MTMR7: variants seen among roughly 807,000 people sequenced by gnomAD.
The protein encoded by MTMR7 is myotubularin related protein 7.
A neutral mutation model predicts 81.2 loss-of-function variants in MTMR7; 76 were observed. The observed-to-expected ratio is 0.94, with a 90% CI of 0.78 to 1.13. MTMR7 has a LOEUF of 1.13. Among genes scored for constraint, MTMR7 ranks in the 50% most tolerant of loss-of-function variants. The probability of loss-of-function intolerance (pLI) is 0.00; values close to 1 mark genes in which losing one functional copy is unlikely to be tolerated. For missense variants in MTMR7, 1,044 were observed against 820.0 expected (o/e 1.27, Z -3.34); for synonymous variants, 372 against 289.8 (o/e 1.28, Z -2.88).
At chr8:17,386,425 T>C (rs1312448418) in intron 1 of MTMR7, among the ~76,000 whole-genome samples, 2 of 152,188 alleles carry the variant, frequency 1.3e-5, no homozygotes, top group Non-Finnish European at 2.9e-5. Flanking sequence ...CCACAGATGA[T>C]CTGATTCCAC....
intron 3 of MTMR7, among the ~76,000 whole-genome samples, chr8:17,366,231 G>C (rs1235784046): frequency 6.6e-6 from 1 of 152,118 alleles, no homozygotes; most frequent in Non-Finnish European, 1.5e-5. Context: ...ATAAGGGAGA[G>C]ATGAGGGTAC....
intron 11 of MTMR7, among the ~76,000 whole-genome samples, chr8:17,305,476 T>C (rs1817387358): frequency 6.6e-6 from 1 of 152,220 alleles, no homozygotes; most frequent in East Asian, 1.9e-4. Flanking sequence ...AAAACCACTT[T>C]TTTGACTCCA....
intron 6 of MTMR7, among the ~76,000 whole-genome samples, chr8:17,338,319 C>G (rs1055303197): frequency 5.9e-5 from 9 of 152,158 alleles, no homozygotes; most frequent in African/African-American, 2.2e-4. Context: ...CCTGGCTCTA[C>G]AGCTGCCACG....
intron 1 of MTMR7, among the ~76,000 whole-genome samples, chr8:17,391,800 A>G (rs1201788606): frequency 6.6e-6 from 1 of 152,216 alleles, no homozygotes. Flanking sequence ...AAGAGGAGAA[A>G]AGTAAACATA....
At chr8:17,345,148 C>A (rs761658474) in intron 5 of MTMR7, among the ~76,000 whole-genome samples, 3 of 152,160 alleles carry the variant, frequency 2.0e-5, no homozygotes, top group African/African-American at 4.8e-5. Flanking sequence ...GTGCGTAAGG[C>A]CTAAAATTAA....
At chr8:17,362,893 G>T (rs930483521) in intron 3 of MTMR7, among the ~76,000 whole-genome samples, 1 of 152,178 alleles carries the variant, frequency 6.6e-6, no homozygotes, top group Non-Finnish European at 1.5e-5. Flanking sequence ...TGACTCATCT[G>T]CATGGAAGAG....
chr8:17,304,448 AAC>A lies in MTMR7; in HGVS notation c.1422_1423del (p.Phe475Ter). 6.2e-7 allele frequency: 1 copy of A among 1,614,126 alleles called. No homozygotes were observed. Among genetic ancestry groups the A allele is most frequent in the East Asian group, 2.2e-5 (1 of 44,882 alleles). On this transcript the variant is annotated frameshift_variant, in exon 12 of 14. Coordinates refer to ENST00000180173, the MANE Select transcript of MTMR7 (RefSeq NM_004686.5). LOFTEE classifies it high-confidence loss of function. ...CTGAGTCTGGCTGTGATCAGCTCTA[AAC>A]AGAGGATTCAGGTAGTCGGCCCGAT...
chr8:17,316,818 T>C (rs1383049657), intron 7 of MTMR7, among the ~76,000 whole-genome samples: 1 of 152,132 alleles, frequency 6.6e-6, no homozygotes, highest in Non-Finnish European at 1.5e-5. Flanking sequence ...CACCATGTTA[T>C]TATGTAAGGG....
At chr8:17,302,584 TTA>T (rs978852293) in intron 12 of MTMR7, among the ~76,000 whole-genome samples, 3 of 152,052 alleles carry the variant, frequency 2.0e-5, no homozygotes, top group African/African-American at 7.3e-5. Context: ...AAAATGGCTC[TTA>T]GTTTTGAACT....
intron 1 of MTMR7, among the ~76,000 whole-genome samples, chr8:17,397,501 G>A (rs995281504): frequency 1.3e-5 from 2 of 152,176 alleles, no homozygotes; most frequent in African/African-American, 2.4e-5. Context: ...GAAAGGAGAG[G>A]GAAGAGCAGG....
In MTMR7 at chr8:17,410,073, T is replaced by C. The variant is rs569780148; in HGVS notation, c.24+3196A>G. ...CCACCTAGGAAACTTAGCAGGGAAG[T>C]AGCATGATCAATTTGAGACATAAAA... On this transcript the variant is annotated intron_variant, in intron 1 of 13. Coordinates refer to ENST00000180173, the MANE Select transcript of MTMR7 (RefSeq NM_004686.5). Among the ~76,000 whole-genome samples, 21 of 152,110 alleles carry C rather than the reference T, an allele frequency of 1.4e-4. No individual in the cohort carries two copies. In the East Asian group the frequency reaches 1.5e-3, roughly 11 times the overall value.
Position 17,298,565 on chromosome 8 carries a change from A to G in MTMR7, c.*1297T>C, listed in dbSNP as rs1816893098. Reference sequence around the variant, plus strand: ...CCCATTAAAAAAAATCAGATATTCAAAATATTGATGTAAATTGTAAAGTTT... The same window carrying G: ...CCCATTAAAAAAAATCAGATATTCAGAATATTGATGTAAATTGTAAAGTTT... On this transcript the variant is annotated 3_prime_UTR_variant, in exon 14 of 14. Coordinates refer to ENST00000180173, the MANE Select transcript of MTMR7 (RefSeq NM_004686.5). The G allele has an allele frequency of 6.6e-6, 1 of 152,530 alleles. No individual in the cohort carries two copies. Among genetic ancestry groups the G allele is most frequent in the Non-Finnish European group, 1.5e-5 (1 of 67,972 alleles). The allele number at this position is 152,530 out of a possible 1,614,324, so 9.4% of individuals were successfully genotyped here. A position where few individuals can be genotyped will look rare whatever the true frequency, so the allele number is the denominator to read the frequency against.
intron 1 of MTMR7, among the ~76,000 whole-genome samples, chr8:17,403,090 G>C (rs547608676): frequency 4.5e-4 from 69 of 152,212 alleles, no homozygotes; most frequent in African/African-American, 1.6e-3. Context: ...TTTTAAATCA[G>C]ATTATTAGAT....
In MTMR7 at chr8:17,305,750, CACTT is replaced by C. The variant is rs1164773025; in HGVS notation, c.1352+3_1352+6del. ...AAGTTAAACACCAAAAACACCAAAA[CACTT>C]ACTTGAGTTCTCGTCTCTCCTTTTG... is the stretch of plus-strand genomic sequence containing the variant. On this transcript the variant is annotated splice_donor_5th_base_variant and intron_variant, in intron 11 of 13. Coordinates refer to ENST00000180173, the MANE Select transcript of MTMR7 (RefSeq NM_004686.5). 1.2e-6 allele frequency: 2 copies of C among 1,600,050 alleles called. No homozygotes were observed. The highest frequency in any genetic ancestry group is 1.7e-5 in the Admixed American group (1 of 59,538).
Position 17,368,169 on chromosome 8 carries a change from G to A in MTMR7, c.310+2868C>T, listed in dbSNP as rs187836636. ...CACAACCTAGATCCCTCGCATGTAC[G>A]GTTCACAATAGAGTTCATGCTCCTA... On this transcript the variant is annotated intron_variant, in intron 3 of 13. Coordinates refer to ENST00000180173, the MANE Select transcript of MTMR7 (RefSeq NM_004686.5). Among the ~76,000 whole-genome samples the A allele has an allele frequency of 3.3e-5, 5 of 152,050 alleles. No homozygotes were observed. The East Asian group carries it at 5.8e-4, about 18-fold the overall frequency.
intron 7 of MTMR7, among the ~76,000 whole-genome samples, chr8:17,330,503 T>G (rs138829313): frequency 5.1e-4 from 78 of 152,366 alleles, no homozygotes; most frequent in African/African-American, 1.7e-3. Context: ...CTGGTTTTGC[T>G]TGAAATGCAG....
At chr8:17,317,318 A>C (rs1300188880) in intron 7 of MTMR7, among the ~76,000 whole-genome samples, 4 of 152,164 alleles carry the variant, frequency 2.6e-5, no homozygotes, top group South Asian at 4.1e-4. Flanking sequence ...GGCCAATGTA[A>C]CATCTGCGAG....
chr8:17,337,634 G>A (rs187643632), intron 6 of MTMR7, among the ~76,000 whole-genome samples: 2 of 151,676 alleles, frequency 1.3e-5, no homozygotes, highest in Non-Finnish European at 2.9e-5. Flanking sequence ...TTTTTCTTTC[G>A]AGACAGGGTC....
intron 1 of MTMR7, among the ~76,000 whole-genome samples, chr8:17,396,693 G>C (rs1006317162): frequency 6.6e-6 from 1 of 152,054 alleles, no homozygotes; most frequent in African/African-American, 2.4e-5. Flanking sequence ...ATGCTGGGCT[G>C]GCTTTAGAGT....
Sources: gnomAD v4.1 joint callset for allele counts (sites outside exome capture counted in the v4.1 genomes callset) on GRCh38, gnomAD v4.1.1 for gene constraint, MANE v1.5 for transcripts, NCBI Gene and HGNC (gene_info 2026-07-23, HGNC 2026-07-21) for gene names.